The following CRACD variants were observed in gnomAD, a reference collection of about 807,000 sequenced individuals.
The protein encoded by CRACD is capping protein inhibiting regulator of actin dynamics.
A neutral mutation model predicts 106.8 loss-of-function variants in CRACD; 56 were observed. The ratio of observed to expected loss-of-function variants is 0.52; its 90% CI spans 0.42 to 0.66. The LOEUF (loss-of-function observed/expected upper bound fraction) is 0.66. CRACD is among the 30% of genes least tolerant of loss of function. The pLI is 0.00. For synonymous variants in CRACD, 754 were observed against 670.8 expected (o/e 1.12, Z -1.92); for missense variants, 1,730 against 1,623.2 (o/e 1.07, Z -1.13).
At chr4:56,322,744 T>C (rs1344906438) in intron 8 of CRACD, among the ~76,000 whole-genome samples, 2 of 152,160 alleles carry the variant, frequency 1.3e-5, no homozygotes, top group Non-Finnish European at 2.9e-5. Flanking sequence ...AGCAATGAAT[T>C]AGGGCCGGGT....
At chr4:56,253,154 C>G (rs1190149994) in intron 2 of CRACD, among the ~76,000 whole-genome samples, 1 of 152,168 alleles carries the variant, frequency 6.6e-6, no homozygotes, top group East Asian at 1.9e-4. Context: ...CGACTTGGCT[C>G]TCTTTTAGCA....
At chr4:56,181,696 T>C (rs1736827200) in intron 2 of CRACD, among the ~76,000 whole-genome samples, 1 of 152,216 alleles carries the variant, frequency 6.6e-6, no homozygotes, top group Non-Finnish European at 1.5e-5. Flanking sequence ...CTGGTGGTTG[T>C]TGGCAATCCT....
At chr4:56,069,732 A>G (rs1302778825) in intron 1 of CRACD, among the ~76,000 whole-genome samples, 1 of 152,214 alleles carries the variant, frequency 6.6e-6, no homozygotes, top group African/African-American at 2.4e-5. Flanking sequence ...GAGCAATAGA[A>G]GAAGGCTGCC....
At chr4:56,107,423 G>C (rs1414461611) in intron 1 of CRACD, among the ~76,000 whole-genome samples, 1 of 152,134 alleles carries the variant, frequency 6.6e-6, no homozygotes, top group Non-Finnish European at 1.5e-5. Context: ...AACAGTATCT[G>C]CCACATACAT....
At chr4:56,327,421 A>AT (rs1161256633) in intron 10 of CRACD, among the ~76,000 whole-genome samples, 1 of 152,182 alleles carries the variant, frequency 6.6e-6, no homozygotes, top group African/African-American at 2.4e-5. Flanking sequence ...AAGAGAGTAG[A>AT]TTTTAAATGC....
chr4:56,193,935 C>T (rs973288850), intron 2 of CRACD, among the ~76,000 whole-genome samples: 9 of 151,992 alleles, frequency 5.9e-5, no homozygotes, highest in Non-Finnish European at 1.2e-4. Flanking sequence ...ATATTATAGG[C>T]TTTGTGGGCA....
rs1193549809 is a variant in CRACD, at chr4:56,214,566, C to T, written c.-189+35136C>T. Among the ~76,000 whole-genome samples the T allele has an allele frequency of 6.8e-5, 10 of 147,314 alleles. No homozygotes were observed. The East Asian group carries it at 1.2e-3, about 18-fold the overall frequency. On this transcript the variant is annotated intron_variant, in intron 2 of 10. Coordinates refer to ENST00000682029, the MANE Select transcript of CRACD (RefSeq NM_001393381.1). ...GAGATTGCACCGTTGCACTCCAGCC[C>T]GGGCAACAGTGTGAGACTGTCTCAA...
chr4:56,307,847 T>C (rs946041570), intron 5 of CRACD, 148 bp downstream of exon 5: 2 of 713,978 alleles, frequency 2.8e-6, no homozygotes, highest in Admixed American at 2.7e-5. Context: ...TCCTGGTAGG[T>C]GTCCTGACCT....
intron 1 of CRACD, among the ~76,000 whole-genome samples, chr4:56,130,056 T>G (rs1299165200): frequency 6.6e-6 from 1 of 152,112 alleles, no homozygotes; most frequent in Non-Finnish European, 1.5e-5. Context: ...GACAGACCAC[T>G]TGAGCTTAGT....
chr4:56,305,350 G>C (rs1428829427), intron 4 of CRACD, among the ~76,000 whole-genome samples: 1 of 152,068 alleles, frequency 6.6e-6, no homozygotes, highest in Non-Finnish European at 1.5e-5. Context: ...CCAGTTCTTG[G>C]CCAACACTCC....
At chr4:56,266,031 A>G (rs1325435354) in intron 2 of CRACD, among the ~76,000 whole-genome samples, 1 of 152,074 alleles carries the variant, frequency 6.6e-6, no homozygotes, top group Non-Finnish European at 1.5e-5. Context: ...GTATGTAATC[A>G]TACCCTTGAA....
chr4:56,090,319 C>T (rs371136767), intron 1 of CRACD, among the ~76,000 whole-genome samples: 1 of 152,134 alleles, frequency 6.6e-6, no homozygotes, highest in Non-Finnish European at 1.5e-5. Flanking sequence ...GGAATCTCCT[C>T]TTATACCCAG....
At chr4:56,211,747 A>C (rs1364378729) in intron 2 of CRACD, among the ~76,000 whole-genome samples, 3 of 152,160 alleles carry the variant, frequency 2.0e-5, no homozygotes, top group Non-Finnish European at 2.9e-5. Flanking sequence ...GCACAACTAA[A>C]TGTGGGCATG....
At chr4:56,127,839 T>C (rs1734707819) in intron 1 of CRACD, among the ~76,000 whole-genome samples, 1 of 152,194 alleles carries the variant, frequency 6.6e-6, no homozygotes, top group South Asian at 2.1e-4. Flanking sequence ...ACCTTCAATA[T>C]GGAAAGCCTC....
chr4:56,238,953 C>T (rs1330303119), intron 2 of CRACD, among the ~76,000 whole-genome samples: 4 of 152,128 alleles, frequency 2.6e-5, no homozygotes, highest in Non-Finnish European at 4.4e-5. Flanking sequence ...AATGGAGTCA[C>T]CAAAAGCCCC....
At chr4:56,269,629 G>T (rs6826199) in intron 2 of CRACD, among the ~76,000 whole-genome samples, 82,787 of 146,912 alleles carry the variant, frequency 0.56, 23,690 homozygotes, top group Middle Eastern at 0.72. Flanking sequence ...ACAGTGGCAT[G>T]ATCTCTGCTC....
intron 1 of CRACD, among the ~76,000 whole-genome samples, chr4:56,071,850 G>A (rs1001659672): frequency 5.9e-5 from 9 of 151,752 alleles, no homozygotes; most frequent in Non-Finnish European, 1.0e-4. Flanking sequence ...AATTGGGGCC[G>A]GGCGCGGTGG....
chr4:56,268,634 C>T (rs536002), intron 2 of CRACD, among the ~76,000 whole-genome samples: 107,834 of 152,042 alleles, frequency 0.71, 38,337 homozygotes, highest in Middle Eastern at 0.86. Context: ...AAATCAGGCA[C>T]TGTTTACATA....
intron 5 of CRACD, chr4:56,308,818 C>T (rs1033090724): frequency 2.0e-5 from 26 of 1,281,262 alleles, no homozygotes; most frequent in East Asian, 1.1e-4. Flanking sequence ...CAACAGCCAT[C>T]GCCTTGGTGC....
Sources: allele counts gnomAD v4.1 joint callset (sites outside exome capture counted in the v4.1 genomes callset), GRCh38; gene constraint gnomAD v4.1.1; transcripts MANE v1.5; gene names NCBI Gene and HGNC (gene_info 2026-07-23, HGNC 2026-07-21).